The following HERC2 variants were observed in gnomAD, a reference collection of about 807,000 sequenced individuals.
HERC2 encodes E3 ubiquitin-protein ligase HERC2.
A neutral mutation model predicts 537.7 loss-of-function variants in HERC2; 102 were observed. The observed-to-expected ratio is 0.19, with a 90% CI of 0.16 to 0.22. The LOEUF is 0.22. Ranked by LOEUF, HERC2 falls within the 10% of genes least tolerant of loss-of-function variation. The probability of loss-of-function intolerance (pLI) is 1.00; values close to 1 mark genes in which losing one functional copy is unlikely to be tolerated. For synonymous variants in HERC2, 2,224 were observed against 2,466.2 expected (o/e 0.90, Z 2.91); for missense variants, 4,236 against 6,198.2 (o/e 0.68, Z 10.63).
rs184620263 is a variant in HERC2, at chr15:28,225,569, G to A, written c.5464+2649C>T. ...AAAAATTAGCTGGGCGTGGTGGCGC[G>A]TGCCTGTAGTCCCAGCTACTCGGGA... On this transcript the variant is annotated intron_variant, in intron 35 of 92. Transcript: ENST00000261609. Among the ~76,000 whole-genome samples, 19 of 151,338 alleles carry A rather than the reference G, an allele frequency of 1.3e-4. No homozygotes were observed. In the East Asian group the frequency reaches 3.3e-3, roughly 27 times the overall value.
intron 20 of HERC2, among the ~76,000 whole-genome samples, chr15:28,254,037 A>G (rs1363352729): frequency 6.6e-6 from 1 of 151,882 alleles, no homozygotes; most frequent in Non-Finnish European, 1.5e-5. Flanking sequence ...TAATCCCAAC[A>G]CTTTGGGAGG....
At chr15:28,120,507 G>A (rs1281117948) in intron 86 of HERC2, among the ~76,000 whole-genome samples, 6 of 152,198 alleles carry the variant, frequency 3.9e-5, no homozygotes, top group South Asian at 2.1e-4. Context: ...ATCAGGGGCC[G>A]AGGCTTCTCT....
At chr15:28,156,436 A>G (rs1893019167) in intron 69 of HERC2, among the ~76,000 whole-genome samples, 1 of 152,154 alleles carries the variant, frequency 6.6e-6, no homozygotes, top group African/African-American at 2.4e-5. Context: ...TTTATTGAGC[A>G]GTGGTTTGTA....
At chr15:28,228,879 T>A (rs527942699) in intron 34 of HERC2, among the ~76,000 whole-genome samples, 4 of 152,186 alleles carry the variant, frequency 2.6e-5, no homozygotes, top group African/African-American at 9.6e-5. Context: ...ACAAAACCAA[T>A]CCAATCAACT....
chr15:28,111,646 G>T lies in HERC2; in HGVS notation c.*117C>A. 6 of 1,108,306 alleles carry T rather than the reference G, an allele frequency of 5.4e-6. No homozygotes were observed. The highest frequency in any genetic ancestry group is 7.8e-6 in the Non-Finnish European group (6 of 769,348). 68.7% of individuals were successfully genotyped at this position (1,108,306 alleles called of 1,614,324 possible). A position where few individuals can be genotyped will look rare whatever the true frequency, so the allele number is the denominator to read the frequency against. On this transcript the variant is annotated 3_prime_UTR_variant, in exon 93 of 93. Coordinates refer to ENST00000261609, the MANE Select transcript of HERC2 (RefSeq NM_004667.6). ...GTCAGTCTCTCCACTCCCTCCTCCC[G>T]CCTGGCTCGAGGACGGACGCTTCTC...
chr15:28,303,403 C>A (rs1453385180), intron 2 of HERC2, among the ~76,000 whole-genome samples: 1 of 151,968 alleles, frequency 6.6e-6, no homozygotes, highest in East Asian at 1.9e-4. Context: ...TTTTGGTATA[C>A]CTTTCTAGTA....
intron 45 of HERC2, among the ~76,000 whole-genome samples, chr15:28,205,107 G>A (rs1306381778): frequency 1.3e-5 from 2 of 151,994 alleles, no homozygotes; most frequent in Admixed American, 6.6e-5. Flanking sequence ...TAGAAAATAC[G>A]AAAAGCAACC....
chr15:28,299,553 C>CAG (rs1491365792), intron 2 of HERC2, 37 bp from the exon 3 acceptor site: 1 of 1,085,416 alleles, frequency 9.2e-7, no homozygotes, highest in East Asian at 2.4e-5. Context: ...ACAGAGTGCT[C>CAG]ACACTCACAT....
chr15:28,281,030 C>A (rs2076008365), intron 4 of HERC2, among the ~76,000 whole-genome samples: 1 of 152,014 alleles, frequency 6.6e-6, no homozygotes, highest in Non-Finnish European at 1.5e-5. Flanking sequence ...AAACCAAATT[C>A]AATATAAAAA....
At chr15:28,150,439 C>T (rs1716282850) in intron 70 of HERC2, among the ~76,000 whole-genome samples, 1 of 148,392 alleles carries the variant, frequency 6.7e-6, no homozygotes, top group South Asian at 2.2e-4. Flanking sequence ...ACATCACCGA[C>T]AACGGCCACA....
chr15:28,215,565 A>G (rs1312137980), intron 39 of HERC2, 56 bp downstream of exon 39: 12 of 1,426,952 alleles, frequency 8.4e-6, no homozygotes, highest in Non-Finnish European at 1.2e-5. Context: ...AAGGCAGGGA[A>G]CTTCAGTACA....
intron 57 of HERC2, among the ~76,000 whole-genome samples, chr15:28,179,943 A>G (rs8029695): frequency 0.12 from 18,838 of 152,258 alleles, 3,944 homozygotes; most frequent in African/African-American, 0.43. Flanking sequence ...AAAGTTCATA[A>G]AGTTACAAAT....
intron 65 of HERC2, among the ~76,000 whole-genome samples, chr15:28,173,361 T>C (rs1456118205): frequency 6.6e-6 from 1 of 151,072 alleles, no homozygotes; most frequent in Non-Finnish European, 1.5e-5. Context: ...TGCATTTGTT[T>C]ATCTTAAGAT....
At chr15:28,251,377 AGGCTGCAGTGAGCT>A (rs2075073176) in intron 20 of HERC2, among the ~76,000 whole-genome samples, 1 of 151,676 alleles carries the variant, frequency 6.6e-6, no homozygotes, top group South Asian at 2.1e-4. Context: ...CAGGAGGCAG[AGGCTGCAGTGAGCT>A]GAGATCGTGC....
chr15:28,117,188 C>T (rs1566909174), intron 86 of HERC2, 34 bp from the exon 87 acceptor site: 4 of 1,610,040 alleles, frequency 2.5e-6, no homozygotes, highest in East Asian at 2.2e-5. Flanking sequence ...CGTGAGGCCG[C>T]TGCCGCAGCA....
At chr15:28,209,176 A>G (rs1201906505) in intron 44 of HERC2, among the ~76,000 whole-genome samples, 1 of 152,174 alleles carries the variant, frequency 6.6e-6, no homozygotes, top group Admixed American at 6.5e-5. Context: ...TCATTTTCAT[A>G]TTTCCACGGC....
At chr15:28,315,060 C>G (rs917260651) in intron 2 of HERC2, among the ~76,000 whole-genome samples, 1 of 152,236 alleles carries the variant, frequency 6.6e-6, no homozygotes, top group African/African-American at 2.4e-5. Flanking sequence ...TCCTATGTTA[C>G]TGCCACCTCT....
chr15:28,301,395 A>T (rs1357017462), intron 2 of HERC2, among the ~76,000 whole-genome samples: 1 of 151,888 alleles, frequency 6.6e-6, no homozygotes, highest in Non-Finnish European at 1.5e-5. Flanking sequence ...AGCCTGGGTG[A>T]CAGAGCAAGA....
chr15:28,275,944 T>A (rs2075860044), intron 5 of HERC2, among the ~76,000 whole-genome samples: 1 of 152,086 alleles, frequency 6.6e-6, no homozygotes. Context: ...TTTGCTTTCA[T>A]GATCAGGGGA....
Sources: gnomAD v4.1 joint callset for allele counts (sites outside exome capture counted in the v4.1 genomes callset) on GRCh38, gnomAD v4.1.1 for gene constraint, MANE v1.5 for transcripts, NCBI Gene and HGNC (gene_info 2026-07-23, HGNC 2026-07-21) for gene names.